The following GTF2IRD1 variants were observed in gnomAD, a reference collection of about 807,000 sequenced individuals.
GTF2IRD1 encodes the protein GTF2I repeat domain containing 1, also known as general transcription factor II-I repeat domain-containing protein 1.
GTF2IRD1 carries 26 observed loss-of-function variants against 113.2 expected under a neutral mutation model. The observed-to-expected ratio is 0.23, with a 90% CI of 0.17 to 0.32. GTF2IRD1 has a LOEUF of 0.32. GTF2IRD1 is among the 10% of genes least tolerant of loss of function. The pLI, the probability that GTF2IRD1 is intolerant of heterozygous loss-of-function variation, is 1.00. For synonymous variants in GTF2IRD1, 484 were observed against 529.1 expected (o/e 0.91, Z 1.17); for missense variants, 864 against 1,280.8 (o/e 0.67, Z 4.97).
chr7:74,490,124 A>G (rs1554336397), intron 1 of GTF2IRD1, among the ~76,000 whole-genome samples: 1 of 151,930 alleles, frequency 6.6e-6, no homozygotes, highest in East Asian at 1.9e-4. Context: ...GCACCACCAC[A>G]CCTGGCTAAC....
intron 22 of GTF2IRD1, among the ~76,000 whole-genome samples, chr7:74,561,857 G>A (rs1294191007): frequency 6.6e-6 from 1 of 152,176 alleles, no homozygotes; most frequent in Admixed American, 6.6e-5. Context: ...CTAGGAGGTT[G>A]ACGCTAGAGC....
At chr7:74,564,004 G>C (rs587671325) in intron 22 of GTF2IRD1, among the ~76,000 whole-genome samples, 1 of 151,974 alleles carries the variant, frequency 6.6e-6, no homozygotes, top group African/African-American at 2.4e-5. Flanking sequence ...GAAAGAGATT[G>C]TGCTTTTTTG....
chr7:74,518,072 C>T (rs1797056514), intron 4 of GTF2IRD1, 67 bp from the exon 5 acceptor site: 1 of 1,206,582 alleles, frequency 8.3e-7, no homozygotes, highest in East Asian at 2.6e-5. Context: ...CTCTGGGGCA[C>T]AGCAGCCCCG....
At position 74,540,106 on chromosome 7, in the gene GTF2IRD1, C is replaced by G. The variant is rs1398184022; in HGVS notation, c.1618+138C>G. On this transcript the variant is annotated intron_variant, in intron 14 of 26. Transcript: ENST00000424337. ...AGAGGAAACCCAATATATGCCTGAC[C>G]CTAATCCAAGGCTGGGTTCCTTTTG... 8 of 599,864 alleles carry G rather than the reference C, an allele frequency of 1.3e-5. No individual in the cohort carries two copies. The Admixed American group carries it at 1.8e-4, about 13-fold the overall frequency. 37.2% of individuals were successfully genotyped at this position (599,864 alleles called of 1,614,324 possible).
chr7:74,460,416 A>AT lies in GTF2IRD1; in HGVS notation c.-7+6240_-7+6241insT, dbSNP rs1554328826. On this transcript the variant is annotated intron_variant, in intron 1 of 26. Transcript: ENST00000424337. ...CTCTGCACCTAGCTAATTAAAAAAA[A>AT]ATTTTTTTTTTTTAGAGATGGGGTC... Among the ~76,000 whole-genome samples, 85 of 123,246 alleles carry AT rather than the reference A, an allele frequency of 6.9e-4. 1 individual carries two copies. In the South Asian group the frequency reaches 0.02, roughly 28 times the overall value. 80.9% of individuals were successfully genotyped at this position (123,246 alleles called of 152,430 possible). A position where few individuals can be genotyped will look rare whatever the true frequency, so the allele number is the denominator to read the frequency against.
At chr7:74,492,391 T>C (rs56376008) in intron 1 of GTF2IRD1, among the ~76,000 whole-genome samples, 3,278 of 152,080 alleles carry the variant, frequency 0.022, 60 homozygotes, top group Admixed American at 0.033. Context: ...AGGATGGTCT[T>C]GATCTCCTGA....
intron 2 of GTF2IRD1, among the ~76,000 whole-genome samples, chr7:74,509,362 A>T (rs35159127): frequency 0.073 from 11,042 of 151,776 alleles, 1,189 homozygotes; most frequent in African/African-American, 0.24. Context: ...GTCTCAAAAA[A>T]AAATAAATAA....
At chr7:74,536,494 C>T (rs1418067730) in intron 11 of GTF2IRD1, among the ~76,000 whole-genome samples, 4 of 152,178 alleles carry the variant, frequency 2.6e-5, no homozygotes, top group African/African-American at 7.2e-5. Flanking sequence ...CCAGATGTCA[C>T]CTCTCTCAGA....
intron 22 of GTF2IRD1, among the ~76,000 whole-genome samples, chr7:74,567,065 C>T (rs1800363092): frequency 6.6e-6 from 1 of 152,190 alleles, no homozygotes; most frequent in Admixed American, 6.5e-5. Context: ...CGCAGTGGCT[C>T]ACGCCTGTAA....
chr7:74,568,585 T>G (rs1478674288), intron 22 of GTF2IRD1, among the ~76,000 whole-genome samples: 1 of 152,040 alleles, frequency 6.6e-6, no homozygotes, highest in East Asian at 1.9e-4. Context: ...GAGGCGGAAC[T>G]TGCAGTGAGC....
intron 17 of GTF2IRD1, among the ~76,000 whole-genome samples, chr7:74,552,021 T>C (rs1562863016): frequency 6.6e-6 from 1 of 152,128 alleles, no homozygotes; most frequent in Non-Finnish European, 1.5e-5. Context: ...CTTGGGTGTT[T>C]GAAAGCTTGC....
At chr7:74,454,480 G>T (rs1179257915) in intron 1 of GTF2IRD1, among the ~76,000 whole-genome samples, 4 of 152,054 alleles carry the variant, frequency 2.6e-5, no homozygotes, top group African/African-American at 7.2e-5. Flanking sequence ...GTCCCGGGCC[G>T]GCGCCCGCAG....
At chr7:74,568,945 C>T (rs1481411146) in intron 22 of GTF2IRD1, among the ~76,000 whole-genome samples, 5 of 152,136 alleles carry the variant, frequency 3.3e-5, no homozygotes, top group African/African-American at 1.2e-4. Flanking sequence ...GGTCAAGGTA[C>T]GTGTGGGGCA....
chr7:74,565,603 T>C (rs1418611412), intron 22 of GTF2IRD1, among the ~76,000 whole-genome samples: 1 of 152,028 alleles, frequency 6.6e-6, no homozygotes, highest in Non-Finnish European at 1.5e-5. Context: ...CGGTGGTGAC[T>C]AAGGCGGGAG....
intron 1 of GTF2IRD1, among the ~76,000 whole-genome samples, chr7:74,467,743 G>T (rs1484502320): frequency 6.6e-6 from 1 of 152,040 alleles, no homozygotes; most frequent in Non-Finnish European, 1.5e-5. Context: ...ACCCAGGCTG[G>T]AGTGCAGTGG....
chr7:74,547,755 CTTTT>C (rs587743253), intron 17 of GTF2IRD1, among the ~76,000 whole-genome samples: 3 of 114,252 alleles, frequency 2.6e-5, no homozygotes, highest in African/African-American at 1.0e-4. Context: ...TTCTCTCTCT[CTTTT>C]TTTTTTTTTT....
Position 74,544,820 on chromosome 7 carries a change from C to G in GTF2IRD1, c.1666+18C>G. On this transcript the variant is annotated intron_variant, in intron 15 of 26. Coordinates refer to ENST00000424337, the MANE Select transcript of GTF2IRD1 (RefSeq NM_005685.4). Reference sequence around the variant, plus strand: ...CGTGGAGGGTGAGGCCCTGTCTACCCCTGACATTTTACACCCACCCCCACC... The same window carrying G: ...CGTGGAGGGTGAGGCCCTGTCTACCGCTGACATTTTACACCCACCCCCACC... The G allele has an allele frequency of 1.2e-6, 2 of 1,609,568 alleles. No individual in the cohort carries two copies. The highest frequency in any genetic ancestry group is 1.7e-6 in the Non-Finnish European group (2 of 1,175,900).
intron 6 of GTF2IRD1, 23 bp downstream of exon 6, chr7:74,519,742 C>T (rs781867883): frequency 5.3e-6 from 8 of 1,514,134 alleles, no homozygotes; most frequent in Admixed American, 1.9e-5. Flanking sequence ...CTGGGATCTC[C>T]AAGTCTAGGG....
At chr7:74,543,886 A>AAC (rs782492852) in intron 14 of GTF2IRD1, among the ~76,000 whole-genome samples, 8,635 of 148,452 alleles carry the variant, frequency 0.058, 603 homozygotes, top group East Asian at 0.36. Context: ...AAAAAAAAAA[A>AAC]AAAAAAAAAA....
Sources: allele counts gnomAD v4.1 joint callset (sites outside exome capture counted in the v4.1 genomes callset), GRCh38; gene constraint gnomAD v4.1.1; transcripts MANE v1.5; gene names NCBI Gene and HGNC (gene_info 2026-07-23, HGNC 2026-07-21).